Variants in XPO4 observed in about 807,000 individuals in gnomAD.
The protein encoded by XPO4 is exportin 4, also known as exportin-4.
A neutral mutation model predicts 143.0 loss-of-function variants in XPO4; 39 were observed. The observed-to-expected ratio is 0.27, with a 90% confidence interval of 0.21 to 0.36. The LOEUF (loss-of-function observed/expected upper bound fraction) is 0.36, where lower values mean the gene tolerates loss of function less well. XPO4 is among the 10% of genes least tolerant of loss of function. The pLI is 1.00. For synonymous variants in XPO4, 439 were observed against 474.0 expected (o/e 0.93, Z 0.96); for missense variants, 907 against 1,348.0 (o/e 0.67, Z 5.12).
chr13:20,807,731 AAATT>A, intron 12 of XPO4, 97 bp from the exon 13 acceptor site: 1 of 892,400 alleles, frequency 1.1e-6, no homozygotes, highest in Non-Finnish European at 1.5e-6. Context: ...TACATCATAT[AAATT>A]GATGTAAATT....
chr13:20,813,701 T>C (rs1457449904), intron 9 of XPO4, among the ~76,000 whole-genome samples: 1 of 152,162 alleles, frequency 6.6e-6, no homozygotes, highest in Non-Finnish European at 1.5e-5. Flanking sequence ...CTCATGCCTG[T>C]AATCCCAGCA....
chr13:20,828,785 G>A (rs143935943), intron 6 of XPO4, among the ~76,000 whole-genome samples: 26 of 152,250 alleles, frequency 1.7e-4, no homozygotes, highest in African/African-American at 4.8e-4. Flanking sequence ...TTTAAAAAGG[G>A]GGAAAAAATC....
In XPO4 at chr13:20,793,236, T is replaced by C. The variant is rs1386396493; in HGVS notation, c.2798-2656A>G. 5.0e-4 allele frequency among the ~76,000 whole-genome samples: 76 copies of C among 152,222 alleles called. 1 individual carries two copies. The highest frequency in any genetic ancestry group is 5.0e-3 in the Admixed American group (76 of 15,278). On this transcript the variant is annotated intron_variant, in intron 18 of 22. Transcript: ENST00000255305. ...ATCCATTTGCCTGATGTGCCAAAGA[T>C]GTTTCCTTATAATTTTCTACTTTGC...
intron 13 of XPO4, among the ~76,000 whole-genome samples, chr13:20,801,393 A>G (rs1402683801): frequency 6.6e-6 from 1 of 152,218 alleles, no homozygotes; most frequent in Admixed American, 6.5e-5. Context: ...TACCCTGGTT[A>G]GTATAGTTTG....
At chr13:20,853,257 T>C (rs1436853608) in intron 4 of XPO4, among the ~76,000 whole-genome samples, 1 of 142,592 alleles carries the variant, frequency 7.0e-6, no homozygotes, top group Non-Finnish European at 1.5e-5. Flanking sequence ...ACTGAGCCCA[T>C]GAGGTCGGGG....
chr13:20,841,246 T>C lies in XPO4; in HGVS notation c.727+1649A>G, dbSNP rs118148115. ...TCTTTTCTTTCCCCACTGAAAACAC[T>C]GGAGCAAGAAGCTGAATCCAATCTC... On this transcript the variant is annotated intron_variant, in intron 6 of 22. Transcript: ENST00000255305. Among the ~76,000 whole-genome samples, 315 of 152,306 alleles carry C rather than the reference T, an allele frequency of 2.1e-3. 1 individual carries two copies. The highest frequency in any genetic ancestry group is 3.5e-3 in the Non-Finnish European group (235 of 68,016).
intron 1 of XPO4, among the ~76,000 whole-genome samples, chr13:20,875,718 T>C (rs1013069711): frequency 1.3e-5 from 2 of 152,152 alleles, no homozygotes; most frequent in African/African-American, 4.8e-5. Context: ...ATCTCAGGGC[T>C]ACAGAACCAG....
chr13:20,803,896 T>G lies in XPO4; in HGVS notation c.1818-2906A>C, dbSNP rs926959843. The stretch of plus-strand genomic sequence containing the variant: ...TTCCCAGAAAATCAGGCATTCCCTA[T>G]TCTCTAGATGTTTACAGTTAAGGGA... On this transcript the variant is annotated intron_variant, in intron 13 of 22. Transcript: ENST00000255305. This position sits in a 1 kb window ranked among gnomAD's most constrained non-coding sequence, Gnocchi z 4.1. Among the ~76,000 whole-genome samples, 4 of 152,152 alleles carry G rather than the reference T, an allele frequency of 2.6e-5. No individual in the cohort carries two copies. Among genetic ancestry groups the G allele is most frequent in the African/African-American group, 7.2e-5 (3 of 41,432 alleles).
intron 6 of XPO4, among the ~76,000 whole-genome samples, chr13:20,828,630 T>G (rs1434502433): frequency 3.9e-5 from 6 of 152,188 alleles, no homozygotes; most frequent in Non-Finnish European, 8.8e-5. Context: ...CCCAAAATCT[T>G]CTGCAACTCT....
chr13:20,858,986 T>C (rs1156929082), intron 3 of XPO4, among the ~76,000 whole-genome samples: 1 of 151,654 alleles, frequency 6.6e-6, no homozygotes, highest in African/African-American at 2.4e-5. Context: ...CAATCAACTC[T>C]ACAATCAAAC....
At chr13:20,789,562 T>C (rs1386995324) in intron 19 of XPO4, among the ~76,000 whole-genome samples, 2 of 150,846 alleles carry the variant, frequency 1.3e-5, no homozygotes, top group Non-Finnish European at 2.9e-5. Flanking sequence ...ACCCGGCTTT[T>C]TTTTTGTGTG....
At chr13:20,856,055 A>G (rs2138102361) in intron 3 of XPO4, among the ~76,000 whole-genome samples, 1 of 152,322 alleles carries the variant, frequency 6.6e-6, no homozygotes, top group Non-Finnish European at 1.5e-5. Flanking sequence ...AAATGTTCCT[A>G]GAACTGTGCC....
In XPO4 at chr13:20,819,614, C is replaced by T. The variant is rs574839988; in HGVS notation, c.1173+2090G>A. On this transcript the variant is annotated intron_variant, in intron 9 of 22. Coordinates refer to ENST00000255305, the MANE Select transcript of XPO4 (RefSeq NM_022459.5). ...GGCAGAGGTTGCAGTGAGCCAAGAC[C>T]GTGCCATCGCAGTCCAGCCTGGGCG... 5.3e-5 allele frequency among the ~76,000 whole-genome samples: 8 copies of T among 152,022 alleles called. No homozygotes were observed. In the East Asian group the frequency reaches 5.8e-4, roughly 11 times the overall value.
At chr13:20,883,477 G>C (rs2060432820) in intron 1 of XPO4, among the ~76,000 whole-genome samples, 1 of 152,188 alleles carries the variant, frequency 6.6e-6, no homozygotes, top group Non-Finnish European at 1.5e-5. Flanking sequence ...AGGCATAACA[G>C]ACTAAACTGT....
At chr13:20,796,384 T>C in intron 17 of XPO4, 128 bp from the exon 18 acceptor site, 1 of 687,166 alleles carries the variant, frequency 1.5e-6, no homozygotes, top group East Asian at 3.1e-5. Flanking sequence ...TAAACTACAT[T>C]AAAACAATAA....
intron 6 of XPO4, among the ~76,000 whole-genome samples, chr13:20,833,926 T>C (rs1029827603): frequency 2.2e-4 from 33 of 152,062 alleles, no homozygotes; most frequent in Admixed American, 2.2e-3. Context: ...CACTATCAAA[T>C]GGGGATGATG....
chr13:20,818,623 C>A (rs1354300029), intron 9 of XPO4, among the ~76,000 whole-genome samples: 1 of 152,050 alleles, frequency 6.6e-6, no homozygotes, highest in East Asian at 1.9e-4. Context: ...TTATAAAAAT[C>A]ATTTAAAAAA....
chr13:20,836,723 G>A lies in XPO4; in HGVS notation c.727+6172C>T, dbSNP rs1281849405. ...TACCCACTGAGTGTACAGCTCAATG[G>A]TTTTAGCATATTCACAGATGTGTGC... On this transcript the variant is annotated intron_variant, in intron 6 of 22. Transcript: ENST00000255305. 2.0e-5 allele frequency among the ~76,000 whole-genome samples: 3 copies of A among 152,146 alleles called. 1 individual carries two copies. The highest frequency in any genetic ancestry group is 1.9e-4 in the East Asian group (1 of 5,196).
At chr13:20,874,179 T>G (rs2138145203) in intron 1 of XPO4, among the ~76,000 whole-genome samples, 1 of 152,316 alleles carries the variant, frequency 6.6e-6, no homozygotes, top group East Asian at 1.9e-4. Flanking sequence ...CTGAATAATA[T>G]TCTTGGCTTA....
Sources: gnomAD v4.1 joint callset for allele counts (sites outside exome capture counted in the v4.1 genomes callset) on GRCh38, gnomAD v4.1.1 for gene constraint, Gnocchi (gnomAD v3.1) non-coding constraint, MANE v1.5 for transcripts, NCBI Gene and HGNC (gene_info 2026-07-23, HGNC 2026-07-21) for gene names.